TPO: variants seen among roughly 807,000 people sequenced by gnomAD.
TPO encodes thyroid microsomal antigen.
In TPO, 78 loss-of-function variants were observed where a neutral mutation model predicts 96.9. The observed-to-expected ratio is 0.81, with a 90% CI of 0.67 to 0.97. TPO has a LOEUF of 0.97. Among genes scored for constraint, TPO ranks in the 50% least tolerant of loss-of-function variants. The pLI, the probability that TPO is intolerant of heterozygous loss-of-function variation, is 0.00. For missense variants in TPO, 1,252 were observed against 1,274.8 expected (o/e 0.98, Z 0.27); for synonymous variants, 547 against 538.0 (o/e 1.02, Z -0.23).
At chr2:1,467,634 T>C (rs891157239) in intron 7 of TPO, among the ~76,000 whole-genome samples, 2 of 152,136 alleles carry the variant, frequency 1.3e-5, no homozygotes, top group Non-Finnish European at 2.9e-5. Flanking sequence ...GAAAGCTCCA[T>C]GTGCTGTTGA....
chr2:1,539,316 C>T (rs1221220534), intron 15 of TPO, among the ~76,000 whole-genome samples: 1 of 152,194 alleles, frequency 6.6e-6, no homozygotes. Context: ...AAGGAAGTTG[C>T]TATTTTATCC....
chr2:1,454,068 C>T (rs916588500), intron 6 of TPO, among the ~76,000 whole-genome samples: 1 of 152,190 alleles, frequency 6.6e-6, no homozygotes, highest in Non-Finnish European at 1.5e-5. Context: ...TTTCTCAACC[C>T]TAACGTTTCT....
At chr2:1,498,701 G>A (rs575067154) in intron 13 of TPO, among the ~76,000 whole-genome samples, 20 of 152,284 alleles carry the variant, frequency 1.3e-4, no homozygotes, top group East Asian at 3.9e-4. Context: ...CAGAAGCCTC[G>A]GTGATAGAAA....
intron 7 of TPO, among the ~76,000 whole-genome samples, chr2:1,458,103 G>A (rs1274337149): frequency 6.7e-6 from 1 of 149,714 alleles, no homozygotes; most frequent in Non-Finnish European, 1.5e-5. Flanking sequence ...GTGCGTTTAT[G>A]GCACATAAGA....
intron 1 of TPO, among the ~76,000 whole-genome samples, chr2:1,400,111 A>G (rs1662144543): frequency 6.6e-6 from 1 of 152,166 alleles, no homozygotes; most frequent in African/African-American, 2.4e-5. Flanking sequence ...TTTAGAAAAA[A>G]TTATGTTTGA....
chr2:1,401,846 A>G (rs1420926492), intron 1 of TPO, among the ~76,000 whole-genome samples: 1 of 152,148 alleles, frequency 6.6e-6, no homozygotes, highest in Non-Finnish European at 1.5e-5. Flanking sequence ...TATTTGTCTG[A>G]CTGTTAGGAT....
chr2:1,515,944 C>T (rs551047136), intron 14 of TPO, among the ~76,000 whole-genome samples: 1 of 152,174 alleles, frequency 6.6e-6, no homozygotes, highest in South Asian at 2.1e-4. Context: ...ATTTAAAAGT[C>T]AGTTTTCGTT....
chr2:1,524,082 T>G (rs1675839451), intron 15 of TPO, among the ~76,000 whole-genome samples: 1 of 116,798 alleles, frequency 8.6e-6, no homozygotes, highest in African/African-American at 3.4e-5. Flanking sequence ...TGCCACTGTG[T>G]GCAACCTCAC....
intron 5 of TPO, among the ~76,000 whole-genome samples, chr2:1,451,992 G>A (rs1239275858): frequency 1.3e-5 from 2 of 151,906 alleles, no homozygotes; most frequent in African/African-American, 4.8e-5. Context: ...GTATGCTCAT[G>A]TTATATATTT....
upstream of TPO, among the ~76,000 whole-genome samples, chr2:1,408,547 A>G (rs1424415796): frequency 1.3e-5 from 2 of 152,204 alleles, no homozygotes; most frequent in African/African-American, 2.4e-5. Context: ...TGCATAATTC[A>G]TGAGGAAACT....
intron 1 of TPO, among the ~76,000 whole-genome samples, chr2:1,382,486 A>G (rs1450112727): frequency 1.3e-5 from 2 of 152,202 alleles, no homozygotes; most frequent in African/African-American, 4.8e-5. Flanking sequence ...TCATGTCTTC[A>G]TGATGAGAAA....
At chr2:1,423,168 G>C (rs28909374) in intron 3 of TPO, 39 bp downstream of exon 3, 42 of 1,593,842 alleles carry the variant, frequency 2.6e-5, no homozygotes, top group Non-Finnish European at 3.5e-5. Flanking sequence ...AAATGCCACC[G>C]ACAGGCGCAT....
Position 1,379,694 on chromosome 2 carries a change from G to A in TPO, n.180+5292G>A, listed in dbSNP as rs1469994279. 3.9e-5 allele frequency among the ~76,000 whole-genome samples: 6 copies of A among 152,056 alleles called. 1 individual carries two copies. Among genetic ancestry groups the A allele is most frequent in the Non-Finnish European group, 7.4e-5 (5 of 68,016 alleles). On this transcript the variant is annotated intron_variant and non_coding_transcript_variant, in intron 1 of 5. Transcript: ENST00000497517. ...GGGACTAAACACAAGGGTTTTCCAG[G>A]CTCCCTCCTCCTGGCAGGACACGGC...
At chr2:1,505,536 C>G (rs1022544810) in intron 14 of TPO, among the ~76,000 whole-genome samples, 1 of 135,816 alleles carries the variant, frequency 7.4e-6, no homozygotes, top group Admixed American at 7.4e-5. Flanking sequence ...CACAACCCCC[C>G]TCCTGTGTCA....
chr2:1,410,844 C>T (rs145592940), upstream of TPO, among the ~76,000 whole-genome samples: 1 of 152,034 alleles, frequency 6.6e-6, no homozygotes, highest in Non-Finnish European at 1.5e-5. Flanking sequence ...TGGGAGAAGA[C>T]GTGTATTTTT....
chr2:1,416,231 C>T (rs1264662771), intron 2 of TPO, among the ~76,000 whole-genome samples: 1 of 152,200 alleles, frequency 6.6e-6, no homozygotes, highest in Non-Finnish European at 1.5e-5. Context: ...AGTGATTTTG[C>T]ATCTTCCCAG....
chr2:1,500,006 C>T (rs1672719892), intron 13 of TPO, among the ~76,000 whole-genome samples: 1 of 152,224 alleles, frequency 6.6e-6, no homozygotes, highest in South Asian at 2.1e-4. Flanking sequence ...GCTGGGACAG[C>T]CACACCCAGA....
Position 1,460,084 on chromosome 2 carries a change from C to T in TPO, c.819+3802C>T, listed in dbSNP as rs1430593646. Among the ~76,000 whole-genome samples, 4 of 152,014 alleles carry T rather than the reference C, an allele frequency of 2.6e-5. No individual in the cohort carries two copies. In the East Asian group the frequency reaches 5.8e-4, roughly 22 times the overall value. On this transcript the variant is annotated intron_variant, in intron 7 of 16. Coordinates refer to ENST00000329066, the MANE Select transcript of TPO (RefSeq NM_001206744.2). ...CTGAGTAGCTGGGACTACAGGCATG[C>T]GCCACCATGCCTGGCTAATTTTTCT...
intron 1 of TPO, among the ~76,000 whole-genome samples, chr2:1,384,023 G>A (rs568967227): frequency 1.1e-4 from 16 of 152,290 alleles, no homozygotes; most frequent in African/African-American, 3.6e-4. Flanking sequence ...AGATCAGATA[G>A]TTGTAGATGT....
Sources: allele counts gnomAD v4.1 joint callset (sites outside exome capture counted in the v4.1 genomes callset), GRCh38; gene constraint gnomAD v4.1.1; transcripts MANE v1.5; gene names NCBI Gene and HGNC (gene_info 2026-07-23, HGNC 2026-07-21).